The following STATH variants were observed in gnomAD, a reference collection of about 807,000 sequenced individuals.
The protein encoded by STATH is statherin.
STATH carries 11 observed loss-of-function variants against 13.3 expected under a neutral mutation model. That is an observed-to-expected ratio of 0.83 (90% CI 0.52 to 1.37). The LOEUF is 1.37. STATH is among the 40% of genes most tolerant of loss of function. STATH has a pLI of 0.00. For synonymous variants in STATH, 25 were observed against 23.6 expected, an observed-to-expected ratio of 1.06 and a Z score of -0.17; for missense variants, 78 against 73.3, an observed-to-expected ratio of 1.06 and a Z score of -0.24.
At position 69,999,797 on chromosome 4, in the gene STATH, T is replaced by C. The variant is rs772919991; in HGVS notation, c.90T>C (p.Ile30=). ...DSSEEKFLRR[I]GRFGYGYGPY... is the part of the protein sequence containing the mutation. Reference sequence around the variant, plus strand: ...TTTCACAGAAATTTTTGCGTAGAATTGGAAGATTCGGTGTAAGTGTTCTCT... The same window carrying C: ...TTTCACAGAAATTTTTGCGTAGAATCGGAAGATTCGGTGTAAGTGTTCTCT... The change falls in exon 4 of 6, where the codon ATT becomes ATC. Residue 30 remains isoleucine, a synonymous_variant. Transcript: ENST00000246895. The C allele has an allele frequency of 5.1e-5, 82 of 1,612,056 alleles. 2 individuals are homozygous for C. The Middle Eastern group carries it at 1.0e-3, about 20-fold the overall frequency.
At chr4:70,000,804 C>A in intron 4 of STATH, 59 bp from the exon 5 acceptor site, 1 of 1,273,530 alleles carries the variant, frequency 7.9e-7, no homozygotes, top group South Asian at 1.2e-5. Context: ...CTAATAAAAA[C>A]GCTTGCACTG....
intron 5 of STATH, among the ~76,000 whole-genome samples, chr4:70,001,863 T>A (rs1325129084): frequency 6.6e-6 from 1 of 151,720 alleles, no homozygotes; most frequent in Non-Finnish European, 1.5e-5. Flanking sequence ...GCTGATGACA[T>A]TTAATCAAGA....
intron 5 of STATH, 49 bp downstream of exon 5, chr4:70,001,031 C>G: frequency 1.5e-6 from 2 of 1,322,324 alleles, no homozygotes; most frequent in Non-Finnish European, 1.1e-6. Flanking sequence ...TCAGTGCTGA[C>G]AGTTAAAAGA....
chr4:69,997,513 G>T (rs1448147957), intron 1 of STATH, among the ~76,000 whole-genome samples: 1 of 151,896 alleles, frequency 6.6e-6, no homozygotes, highest in Non-Finnish European at 1.5e-5. Flanking sequence ...TAACTCTTGT[G>T]GCAATTATGT....
At chr4:70,000,703 T>C in intron 4 of STATH, 160 bp from the exon 5 acceptor site, 1 of 600,524 alleles carries the variant, frequency 1.7e-6, no homozygotes, top group Non-Finnish European at 3.0e-6. Flanking sequence ...TTAAAATGTG[T>C]TTATAACCAA....
In STATH at chr4:69,999,960, A is replaced by C. The variant is rs138539585; in HGVS notation, c.102+151A>C. On this transcript the variant is annotated intron_variant, in intron 4 of 5. Transcript: ENST00000246895. ...CCTCTATTTATGATACACAGGTAACAGTCACAAATGTATTGTGTCCTAACA... is the reference window on the plus strand; with the variant it reads ...CCTCTATTTATGATACACAGGTAACCGTCACAAATGTATTGTGTCCTAACA... The C allele has an allele frequency of 6.2e-4, 525 of 851,010 alleles. 6 individuals carry two copies. The African/African-American group carries it at 7.9e-3, about 13-fold the overall frequency. 52.7% of individuals were successfully genotyped at this position (851,010 alleles called of 1,614,324 possible).
At chr4:70,001,203 T>C (rs1381099898) in intron 5 of STATH, among the ~76,000 whole-genome samples, 2 of 151,674 alleles carry the variant, frequency 1.3e-5, no homozygotes, top group Non-Finnish European at 3.0e-5. Context: ...GACACCAGGG[T>C]TTGTATGCTG....
intron 1 of STATH, 169 bp from the exon 2 acceptor site, chr4:69,998,254 T>C: frequency 3.5e-6 from 2 of 567,216 alleles, no homozygotes; most frequent in Non-Finnish European, 6.3e-6. Context: ...CTTTTACTTA[T>C]CAGTGTCTCC....
intron 5 of STATH, among the ~76,000 whole-genome samples, chr4:70,001,930 A>G (rs528583488): frequency 2.5e-4 from 38 of 151,946 alleles, no homozygotes; most frequent in Non-Finnish European, 5.0e-4. Context: ...TGTGTAGGCT[A>G]TATTTAAGTA....
chr4:69,999,222 A>G (rs1724582896), intron 2 of STATH: 1 of 157,560 alleles, frequency 6.3e-6, no homozygotes, highest in Admixed American at 6.3e-5. Context: ...ATCACAGTAT[A>G]CCACATTATT....
At chr4:69,999,069 G>T (rs1333524970) in intron 2 of STATH, 1 of 152,268 alleles carries the variant, frequency 6.6e-6, no homozygotes, top group Non-Finnish European at 1.5e-5. Flanking sequence ...CTTCTCTGGA[G>T]CTCTTTCTTC....
intron 5 of STATH, 43 bp downstream of exon 5, chr4:70,001,025 T>G: frequency 7.4e-7 from 1 of 1,354,518 alleles, no homozygotes; most frequent in Non-Finnish European, 1.1e-6. Context: ...TCTGTATCAG[T>G]GCTGACAGTT....
At chr4:69,996,614 A>G (rs1351974237) in intron 1 of STATH, among the ~76,000 whole-genome samples, 1 of 152,044 alleles carries the variant, frequency 6.6e-6, no homozygotes, top group Non-Finnish European at 1.5e-5. Context: ...ATGGCAGAAA[A>G]CAAAGATTTT....
chr4:69,998,531 A>T, intron 2 of STATH, 43 bp downstream of exon 2: 1 of 1,522,964 alleles, frequency 6.6e-7, no homozygotes, highest in Non-Finnish European at 9.0e-7. Flanking sequence ...CTCAGTACCT[A>T]TCCCAAGAGT....
intron 4 of STATH, chr4:70,000,026 A>AGTT (rs576856259): frequency 5.9e-5 from 33 of 561,792 alleles, no homozygotes; most frequent in Non-Finnish European, 1.0e-4. Context: ...TGAAGAAACC[A>AGTT]GTTACTCCCT....
chr4:69,996,921 A>T (rs992109235), intron 1 of STATH, among the ~76,000 whole-genome samples: 7 of 141,648 alleles, frequency 4.9e-5, no homozygotes, highest in East Asian at 2.2e-4. Context: ...TAATACCAGA[A>T]ATTTCCTTTT....
chr4:70,002,094 T>C (rs1445793345), intron 5 of STATH, 95 bp from the exon 6 acceptor site: 1 of 151,772 alleles, frequency 6.6e-6, no homozygotes, highest in Non-Finnish European at 1.5e-5. Context: ...ACTATAATTG[T>C]ATATAATATC....
At chr4:70,000,733 A>AG in intron 4 of STATH, 130 bp from the exon 5 acceptor site, 1 of 678,578 alleles carries the variant, frequency 1.5e-6, no homozygotes, top group South Asian at 1.9e-5. Flanking sequence ...TCTAATTGAA[A>AG]GTTTGGAAAA....
At chr4:70,000,761 T>C (rs1047888651) in intron 4 of STATH, 102 bp from the exon 5 acceptor site, 10 of 821,956 alleles carry the variant, frequency 1.2e-5, no homozygotes, top group Non-Finnish European at 2.0e-5. Context: ...ATAAGTAATA[T>C]GTAAGTTCCT....
Sources: allele counts gnomAD v4.1 joint callset (sites outside exome capture counted in the v4.1 genomes callset), GRCh38; gene constraint gnomAD v4.1.1; transcripts MANE v1.5; gene names NCBI Gene and HGNC (gene_info 2026-07-23, HGNC 2026-07-21).